Variants in TLK2 observed in about 807,000 individuals in gnomAD.
TLK2 encodes tousled like kinase 2, also known as serine/threonine-protein kinase tousled-like 2.
Under a neutral mutation model 117.3 loss-of-function variants are expected in TLK2, and 6 were observed. That is an observed-to-expected ratio of 0.05 (90% CI 0.03 to 0.10). TLK2 has a LOEUF of 0.10. Ranked by LOEUF, TLK2 falls within the 10% of genes least tolerant of loss-of-function variation. TLK2 has a pLI of 1.00. For synonymous variants in TLK2, 257 were observed against 316.7 expected (o/e 0.81, Z 2.00); for missense variants, 299 against 901.2 (o/e 0.33, Z 8.56).
At chr17:62,593,945 A>G (rs2082268203) in intron 16 of TLK2, among the ~76,000 whole-genome samples, 1 of 151,470 alleles carries the variant, frequency 6.6e-6, no homozygotes, top group Non-Finnish European at 1.5e-5. Flanking sequence ...GGTGCACACC[A>G]CCGCTCCCTG....
At chr17:62,564,113 T>C (rs979128925) in intron 10 of TLK2, among the ~76,000 whole-genome samples, 1 of 152,182 alleles carries the variant, frequency 6.6e-6, no homozygotes, top group Admixed American at 6.5e-5. Context: ...ATTAAAAACA[T>C]GTAGGCAGGC....
chr17:62,536,071 T>G, intron 6 of TLK2, 99 bp from the exon 7 acceptor site: 2 of 1,373,160 alleles, frequency 1.5e-6, no homozygotes, highest in Non-Finnish European at 2.0e-6. Context: ...AATAAACCAT[T>G]CATCTTATAT....
intron 16 of TLK2, among the ~76,000 whole-genome samples, chr17:62,594,421 G>A (rs946307398): frequency 6.6e-6 from 1 of 152,046 alleles, no homozygotes; most frequent in African/African-American, 2.4e-5. Flanking sequence ...AACAAAAAAA[G>A]TGCAGTACAT....
intron 6 of TLK2, among the ~76,000 whole-genome samples, chr17:62,524,701 G>A (rs2145606790): frequency 6.6e-6 from 1 of 152,228 alleles, no homozygotes; most frequent in South Asian, 2.1e-4. Flanking sequence ...GTTATCTCCA[G>A]AGCTTATTCA....
At chr17:62,593,751 T>G (rs1369423332) in intron 16 of TLK2, among the ~76,000 whole-genome samples, 1 of 151,722 alleles carries the variant, frequency 6.6e-6, no homozygotes, top group African/African-American at 2.4e-5. Context: ...GTTTTGTAGT[T>G]AATTTTTTTT....
chr17:62,483,699 T>C (rs571594513), intron 2 of TLK2, among the ~76,000 whole-genome samples: 16 of 152,268 alleles, frequency 1.1e-4, no homozygotes, highest in African/African-American at 3.6e-4. Context: ...GATGGGGTTT[T>C]ACCATGTTGG....
chr17:62,502,458 A>G (rs1713822828), intron 2 of TLK2, among the ~76,000 whole-genome samples: 1 of 152,240 alleles, frequency 6.6e-6, no homozygotes, highest in Non-Finnish European at 1.5e-5. Flanking sequence ...AAAAGAGTGA[A>G]TGCTTTCTAT....
intron 11 of TLK2, among the ~76,000 whole-genome samples, chr17:62,570,272 G>A (rs887647769): frequency 5.3e-5 from 8 of 152,166 alleles, no homozygotes; most frequent in Admixed American, 2.0e-4. Context: ...GCAGGCAGTG[G>A]CTTGGTAAAT....
Position 62,600,723 on chromosome 17 carries a change from G to A in TLK2, c.1623G>A (p.Ser541=), listed in dbSNP as rs527985738. The change falls in exon 18 of 22, where the codon TCG becomes TCA. Residue 541 remains serine, a synonymous_variant. Transcript: ENST00000346027. The part of the protein sequence containing the change: ...DFYLKQHKLM[S]EKEARSIIMQ... ...ACCTGAAACAGCACAAATTAATGTC[G>A]GAGAAAGAGGCCCGGTCCATTATCA... 15 of 1,613,078 alleles carry A rather than the reference G, an allele frequency of 9.3e-6. No homozygotes were observed. The South Asian group carries it at 9.9e-5, about 11-fold the overall frequency.
intron 2 of TLK2, among the ~76,000 whole-genome samples, chr17:62,490,601 G>A (rs1378871531): frequency 2.6e-5 from 4 of 152,102 alleles, no homozygotes; most frequent in Admixed American, 1.3e-4. Context: ...GAGTGCAATG[G>A]CATGATCTCG....
At chr17:62,487,006 A>T (rs2072471265) in intron 2 of TLK2, among the ~76,000 whole-genome samples, 1 of 152,208 alleles carries the variant, frequency 6.6e-6, no homozygotes, top group Non-Finnish European at 1.5e-5. Flanking sequence ...ATGAAATATG[A>T]TTGCAGGCTG....
upstream of TLK2, among the ~76,000 whole-genome samples, chr17:62,478,415 G>A (rs2071171634): frequency 6.7e-6 from 1 of 150,218 alleles, no homozygotes. Flanking sequence ...CGGCCCAACC[G>A]CCCCGGCCCG....
chr17:62,530,640 A>G (rs532412052), intron 6 of TLK2, among the ~76,000 whole-genome samples: 1 of 152,218 alleles, frequency 6.6e-6, no homozygotes, highest in African/African-American at 2.4e-5. Context: ...GTCTCATAAA[A>G]TATTACTGTT....
At chr17:62,571,362 T>G (rs2080273676) in intron 11 of TLK2, among the ~76,000 whole-genome samples, 1 of 152,218 alleles carries the variant, frequency 6.6e-6, no homozygotes, top group Non-Finnish European at 1.5e-5. Context: ...ATTGTCATAC[T>G]ATATTGTTTA....
chr17:62,548,631 C>T (rs2078144927), intron 7 of TLK2, among the ~76,000 whole-genome samples: 1 of 152,074 alleles, frequency 6.6e-6, no homozygotes, highest in Non-Finnish European at 1.5e-5. Context: ...TTCTAACACC[C>T]TCAGTTTGCT....
chr17:62,564,225 A>G (rs541721309), intron 10 of TLK2, among the ~76,000 whole-genome samples: 1 of 152,156 alleles, frequency 6.6e-6, no homozygotes, highest in South Asian at 2.1e-4. Context: ...CAACATGGCG[A>G]AACCAGTCTC....
In TLK2 at chr17:62,486,724, T is replaced by A. The variant is rs112397796; in HGVS notation, c.81+5518T>A. 8.0e-3 allele frequency among the ~76,000 whole-genome samples: 1,223 copies of A among 152,296 alleles called. 7 individuals carry two copies. Among genetic ancestry groups the A allele is most frequent in the Non-Finnish European group, 0.012 (813 of 68,028 alleles). ...ATGCTAATACAGTAGCAAATACTTA[T>A]AATACTGTGTGCCAGGTACTGTTCC... is the stretch of plus-strand genomic sequence containing the variant. On this transcript the variant is annotated intron_variant, in intron 2 of 21. Coordinates refer to ENST00000346027, the MANE Select transcript of TLK2 (RefSeq NM_006852.6).
intron 7 of TLK2, among the ~76,000 whole-genome samples, chr17:62,540,055 T>C (rs2077398251): frequency 6.6e-6 from 1 of 150,560 alleles, no homozygotes; most frequent in East Asian, 2.0e-4. Flanking sequence ...CTCCTCTTCC[T>C]CTTCTTCTTT....
At position 62,601,984 on chromosome 17, in the gene TLK2, G is replaced by C. The variant is rs944707942; in HGVS notation, c.1721-58G>C. On this transcript the variant is annotated intron_variant, in intron 18 of 21. Coordinates refer to ENST00000346027, the MANE Select transcript of TLK2 (RefSeq NM_006852.6). The stretch of plus-strand genomic sequence containing the variant: ...TCCCCTTCTTATCTGCTATTACTTT[G>C]GGTTTTTCTCTTAAATCAGTAAGTC... 4 of 1,503,786 alleles carry C rather than the reference G, an allele frequency of 2.7e-6. No individual in the cohort carries two copies. In the African/African-American group the frequency reaches 5.6e-5, roughly 21 times the overall value. The allele number at this position is 1,503,786 out of a possible 1,614,324, so 93.2% of individuals were successfully genotyped here. A position where few individuals can be genotyped will look rare whatever the true frequency, so the allele number is the denominator to read the frequency against.
Sources: allele counts gnomAD v4.1 joint callset (sites outside exome capture counted in the v4.1 genomes callset), GRCh38; gene constraint gnomAD v4.1.1; transcripts MANE v1.5; gene names NCBI Gene and HGNC (gene_info 2026-07-23, HGNC 2026-07-21).